The following ABCG2 variants were observed in gnomAD, a reference collection of about 807,000 sequenced individuals.
ABCG2 encodes the protein broad substrate specificity ATP-binding cassette transporter ABCG2.
ABCG2 carries 80 observed loss-of-function variants against 73.5 expected under a neutral mutation model. That is an observed-to-expected ratio of 1.09 (90% CI 0.91 to 1.31). ABCG2 has a LOEUF of 1.31. ABCG2 is among the 50% of genes most tolerant of loss of function. ABCG2 has a pLI of 0.00. For missense variants in ABCG2, 796 were observed against 786.2 expected, an observed-to-expected ratio of 1.01 and a Z score of -0.15; for synonymous variants, 269 against 282.4, an observed-to-expected ratio of 0.95 and a Z score of 0.48.
chr4:88,143,382 G>T (rs1370133607), intron 1 of ABCG2, among the ~76,000 whole-genome samples: 1 of 152,150 alleles, frequency 6.6e-6, no homozygotes, highest in Non-Finnish European at 1.5e-5. Context: ...TTCAGCCACT[G>T]AGGAAAAGAC....
At chr4:88,206,753 T>A (rs1205314030) in intron 1 of ABCG2, among the ~76,000 whole-genome samples, 1 of 152,198 alleles carries the variant, frequency 6.6e-6, no homozygotes, top group Non-Finnish European at 1.5e-5. Flanking sequence ...TAGCCCACAG[T>A]GGTCTCGTCT....
chr4:88,184,794 C>T (rs1222173457), intron 1 of ABCG2, among the ~76,000 whole-genome samples: 1 of 152,170 alleles, frequency 6.6e-6, no homozygotes, highest in Non-Finnish European at 1.5e-5. Context: ...TACCTGACAT[C>T]AAATTATAGT....
intron 1 of ABCG2, chr4:88,226,954 A>G (rs544454833): frequency 1.3e-5 from 2 of 152,368 alleles, no homozygotes; most frequent in East Asian, 3.9e-4. Flanking sequence ...TCCACAAAAA[A>G]TTTAAAAATT....
intron 2 of ABCG2, 41 bp downstream of exon 2, chr4:88,139,752 G>A (rs1560705822): frequency 1.3e-6 from 2 of 1,571,010 alleles, no homozygotes; most frequent in Non-Finnish European, 1.7e-6. Flanking sequence ...TTCACTGTAG[G>A]TAAATTAAAA....
chr4:88,129,103 C>T (rs1724650059), intron 5 of ABCG2, among the ~76,000 whole-genome samples: 1 of 152,068 alleles, frequency 6.6e-6, no homozygotes, highest in Non-Finnish European at 1.5e-5. Flanking sequence ...AACACTCTCT[C>T]CCCTCCCAGC....
chr4:88,150,592 G>GCCA (rs1427409793), intron 1 of ABCG2, among the ~76,000 whole-genome samples: 5 of 152,148 alleles, frequency 3.3e-5, no homozygotes, highest in African/African-American at 9.7e-5. Flanking sequence ...GCTTCCCTGG[G>GCCA]CCACACTGGA....
Position 88,131,818 on chromosome 4 carries a change from T to C in ABCG2, c.363A>G (p.Ser121=). 1 of 1,613,302 alleles carries C rather than the reference T, an allele frequency of 6.2e-7. No individual in the cohort carries two copies. The highest frequency in any genetic ancestry group is 8.5e-7 in the Non-Finnish European group (1 of 1,179,746). Residue 121 remains serine, a synonymous_variant, in exon 4 of 16, where the codon TCA becomes TCG. Transcript: ENST00000237612. ...TAATACTTACTTGTACCACGTAACCTGAATTACATTTGAAATTGGCAGGTC... is the reference window on the plus strand; with the variant it reads ...TAATACTTACTTGTACCACGTAACCCGAATTACATTTGAAATTGGCAGGTC... The part of the protein sequence containing the change: ...APRPANFKCN[S]GYVVQDDVVM...
chr4:88,150,844 A>G (rs1212613493), intron 1 of ABCG2, among the ~76,000 whole-genome samples: 1 of 152,192 alleles, frequency 6.6e-6, no homozygotes, highest in Non-Finnish European at 1.5e-5. Flanking sequence ...AATAATATCA[A>G]GAGCCAAGAT....
chr4:88,137,012 C>CAATAAAATATAAAATAAAATAA (rs71594832), intron 2 of ABCG2, among the ~76,000 whole-genome samples: 20 of 123,414 alleles, frequency 1.6e-4, no homozygotes, highest in Non-Finnish European at 5.2e-5. Flanking sequence ...ACCTCCATCT[C>CAATAAAATATAAAATAAAATAA]AATAAAATAA....
In ABCG2 at chr4:88,196,815, C is replaced by T. The variant is rs150083533; in HGVS notation, c.-20+34179G>A. On this transcript the variant is annotated intron_variant, in intron 1 of 15. Coordinates refer to the ABCG2 transcript ENST00000515655. ...AAAAAAAAAAAATCCCCTTTAGCAT[C>T]GGACTGCGCAGGGAAATTTAAACCA... 4.6e-5 allele frequency among the ~76,000 whole-genome samples: 7 copies of T among 151,456 alleles called. No homozygotes were observed. The East Asian group carries it at 1.2e-3, about 25-fold the overall frequency.
intron 1 of ABCG2, among the ~76,000 whole-genome samples, chr4:88,145,717 A>T (rs1725940837): frequency 6.6e-6 from 1 of 152,132 alleles, no homozygotes. Context: ...AGGTGAGCAG[A>T]TTACTTGAGG....
chr4:88,104,644 T>G (rs1421307239), intron 10 of ABCG2, among the ~76,000 whole-genome samples: 2 of 132,576 alleles, frequency 1.5e-5, no homozygotes, highest in Admixed American at 8.1e-5. Flanking sequence ...ATCCTGCACA[T>G]GTACCCTAGA....
At chr4:88,108,291 G>C (rs980866572) in intron 9 of ABCG2, among the ~76,000 whole-genome samples, 14 of 152,124 alleles carry the variant, frequency 9.2e-5, no homozygotes, top group African/African-American at 2.9e-4. Context: ...GGGAGGCCGA[G>C]GGGGCAGATT....
intron 9 of ABCG2, among the ~76,000 whole-genome samples, chr4:88,107,477 C>G (rs956877971): frequency 1.6e-4 from 25 of 152,140 alleles, no homozygotes; most frequent in Non-Finnish European, 2.8e-4. Context: ...GTTATCTGTG[C>G]TTTGGGGAGA....
At chr4:88,149,110 G>A (rs530496674) in intron 1 of ABCG2, among the ~76,000 whole-genome samples, 1 of 152,290 alleles carries the variant, frequency 6.6e-6, no homozygotes, top group East Asian at 1.9e-4. Context: ...AGCTACTTGT[G>A]AGGCTGAGGA....
intron 5 of ABCG2, among the ~76,000 whole-genome samples, chr4:88,130,350 C>T (rs1370751343): frequency 6.6e-6 from 1 of 151,304 alleles, no homozygotes; most frequent in Non-Finnish European, 1.5e-5. Flanking sequence ...GAATCTAATG[C>T]CTGATGATGT....
At chr4:88,102,489 A>T (rs1450359189) in intron 10 of ABCG2, among the ~76,000 whole-genome samples, 2 of 151,674 alleles carry the variant, frequency 1.3e-5, no homozygotes, top group Non-Finnish European at 2.9e-5. Context: ...CCAGCTACTC[A>T]GGAGGCTGAG....
chr4:88,121,922 G>T, intron 5 of ABCG2, 130 bp from the exon 6 acceptor site: 1 of 869,802 alleles, frequency 1.1e-6, no homozygotes, highest in South Asian at 1.8e-5. Context: ...CAGCAAATAA[G>T]TGGATACCTG....
Position 88,115,033 on chromosome 4 carries a change from G to C in ABCG2, c.867C>G (p.Asn289Lys). ...TGATGTCCAAGAAGAAGTCTGCAGG[G>C]TTATTATAGGCCTCACAGTGATAAC... ...SAGYHCEAYN[N>K]PADFFLDIIN... The change falls in exon 8 of 16, where the codon AAC becomes AAG. Residue 289 changes from asparagine (N) to lysine (K), a missense_variant. Asn to Lys is a moderately conservative substitution (Grantham distance 94). Transcript: ENST00000237612. The C allele has an allele frequency of 6.2e-7, 1 of 1,612,540 alleles. No homozygotes were observed. The highest frequency in any genetic ancestry group is 8.5e-7 in the Non-Finnish European group (1 of 1,178,990).
Sources: allele counts gnomAD v4.1 joint callset (sites outside exome capture counted in the v4.1 genomes callset), GRCh38; gene constraint gnomAD v4.1.1; transcripts MANE v1.5; gene names NCBI Gene and HGNC (gene_info 2026-07-23, HGNC 2026-07-21).